The following TARP variants were observed in gnomAD, a reference collection of about 807,000 sequenced individuals.
the TARP span, among the ~76,000 whole-genome samples, chr7:38,262,947 C>T: frequency 7.9e-5 from 12 of 151,672 alleles, no homozygotes; most frequent in Non-Finnish European, 2.9e-5. Flanking sequence ...GGATAAGCCA[C>T]CACACTCGGC....
the TARP span, among the ~76,000 whole-genome samples, chr7:38,268,293 A>G: frequency 6.6e-6 from 1 of 151,454 alleles, no homozygotes; most frequent in East Asian, 1.9e-4. Flanking sequence ...TAAATTGCCT[A>G]AGTTGTTTGT....
At chr7:38,260,786 G>T in the TARP span, among the ~76,000 whole-genome samples, 1 of 151,694 alleles carries the variant, frequency 6.6e-6, no homozygotes, top group African/African-American at 2.4e-5. Context: ...TGTGGAAAAG[G>T]ATCTCAAGAA....
chr7:38,268,179 CA>C, the TARP span, among the ~76,000 whole-genome samples: 36 of 151,146 alleles, frequency 2.4e-4, no homozygotes, highest in African/African-American at 7.8e-4. Flanking sequence ...ACTTCAATAA[CA>C]AATAGAATTT....
chr7:38,270,144 G>A, the TARP span, among the ~76,000 whole-genome samples: 1 of 151,888 alleles, frequency 6.6e-6, no homozygotes, highest in African/African-American at 2.4e-5. Context: ...TGATGATGAT[G>A]ATGTCATTGT....
chr7:38,272,838 A>T, the TARP span, among the ~76,000 whole-genome samples: 8 of 151,352 alleles, frequency 5.3e-5, no homozygotes, highest in African/African-American at 1.9e-4. Context: ...TCATTAAGTC[A>T]ATTGGATAAA....
the TARP span, among the ~76,000 whole-genome samples, chr7:38,264,882 C>G: frequency 4.0e-5 from 6 of 151,526 alleles, no homozygotes; most frequent in Non-Finnish European, 7.4e-5. Context: ...AACAATGAAC[C>G]CGTTGTTTTT....
chr7:38,270,064 T>C, the TARP span, among the ~76,000 whole-genome samples: 1 of 152,094 alleles, frequency 6.6e-6, no homozygotes, highest in South Asian at 2.1e-4. Flanking sequence ...ATCACACCAC[T>C]GCACTCCTGC....
At chr7:38,271,570 T>C in the TARP span, among the ~76,000 whole-genome samples, 2 of 151,588 alleles carry the variant, frequency 1.3e-5, no homozygotes, top group Non-Finnish European at 2.9e-5. Context: ...CAAAGAAATT[T>C]ATCACGGATT....
the TARP span, chr7:38,265,527 G>A: frequency 6.2e-7 from 1 of 1,611,880 alleles, no homozygotes. Flanking sequence ...GAATCGTGTT[G>A]CTCTTCTTTT....
chr7:38,266,374 A>G, the TARP span, among the ~76,000 whole-genome samples: 3 of 151,770 alleles, frequency 2.0e-5, no homozygotes, highest in East Asian at 1.9e-4. Flanking sequence ...CGGCAAGATC[A>G]TAGCTCACTG....
the TARP span, among the ~76,000 whole-genome samples, chr7:38,267,426 G>T: frequency 6.6e-6 from 1 of 151,562 alleles, no homozygotes; most frequent in Non-Finnish European, 1.5e-5. Flanking sequence ...TGCTTTGGCT[G>T]GTTTGAAGTG....
chr7:38,272,689 C>T, the TARP span, among the ~76,000 whole-genome samples: 1 of 149,734 alleles, frequency 6.7e-6, no homozygotes. Context: ...AATCAAAATA[C>T]ACTTCCTAAA....
chr7:38,269,632 C>A, the TARP span: 1 of 591,064 alleles, frequency 1.7e-6, no homozygotes, highest in Non-Finnish European at 3.0e-6. Flanking sequence ...GACCAGGGTT[C>A]CAGTCCTGGT....
At chr7:38,272,388 G>A in the TARP span, among the ~76,000 whole-genome samples, 9 of 148,026 alleles carry the variant, frequency 6.1e-5, no homozygotes, top group African/African-American at 2.0e-4. Context: ...ACAGATCAAC[G>A]TGAAAACAGA....
chr7:38,265,347 A>G, the TARP span: 4 of 1,602,002 alleles, frequency 2.5e-6, no homozygotes, highest in Non-Finnish European at 3.4e-6. Context: ...GTAAACACAT[A>G]CCTGTCTTTA....
the TARP span, chr7:38,260,171 G>A: frequency 6.2e-7 from 1 of 1,602,024 alleles, no homozygotes; most frequent in Non-Finnish European, 8.5e-7. Context: ...ACACTCTTGA[G>A]GAGCAGGAGG....
the TARP span, chr7:38,262,081 C>T: frequency 1.8e-6 from 2 of 1,126,176 alleles, no homozygotes; most frequent in Non-Finnish European, 1.3e-6. Flanking sequence ...TCTGCAGCAT[C>T]CAACCTAGCA....
chr7:38,263,215 A>AT, the TARP span, among the ~76,000 whole-genome samples: 1 of 146,560 alleles, frequency 6.8e-6, no homozygotes, highest in African/African-American at 2.6e-5. Context: ...CTTCCCATGC[A>AT]TTTTTTGTTT....
chr7:38,267,789 T>C, the TARP span, among the ~76,000 whole-genome samples: 1 of 151,434 alleles, frequency 6.6e-6, no homozygotes, highest in Non-Finnish European at 1.5e-5. Flanking sequence ...TTGTAGTCTC[T>C]AGTCAATATA....
Sources: allele counts gnomAD v4.1 joint callset (sites outside exome capture counted in the v4.1 genomes callset), GRCh38; gene constraint gnomAD v4.1.1; transcripts MANE v1.5.